Variants in TRPM1 observed in about 807,000 individuals in gnomAD.
TRPM1 encodes transient receptor potential cation channel subfamily M member 1.
In TRPM1, 113 loss-of-function variants were observed where a neutral mutation model predicts 149.4. That is an observed-to-expected ratio of 0.76 (90% CI 0.65 to 0.88). TRPM1 has a LOEUF of 0.88. TRPM1 is among the 40% of genes least tolerant of loss of function. The probability of loss-of-function intolerance (pLI) is 0.00; values close to 1 mark genes in which losing one functional copy is unlikely to be tolerated. For missense variants in TRPM1, 1,976 were observed against 2,038.7 expected (o/e 0.97, Z 0.59); for synonymous variants, 741 against 759.5 (o/e 0.98, Z 0.40).
At position 31,047,270 on chromosome 15, in the gene TRPM1, C is replaced by T. The variant is rs780957201; in HGVS notation, c.1624-19G>A. ...GGTTGCTCTGTAAAAGAAGTCTGGT[C>T]TCAGGCCCTGTGAGAATGCGTTCGC... On this transcript the variant is annotated intron_variant, in intron 14 of 27. Transcript: ENST00000256552. 6 of 1,614,062 alleles carry T rather than the reference C, an allele frequency of 3.7e-6. No individual in the cohort carries two copies. The African/African-American group carries it at 5.3e-5, about 14-fold the overall frequency.
intron 1 of TRPM1, among the ~76,000 whole-genome samples, chr15:31,143,903 C>G (rs564558144): frequency 6.6e-6 from 1 of 152,194 alleles, no homozygotes; most frequent in South Asian, 2.1e-4. Flanking sequence ...TGGTTATTTG[C>G]ATAACTTCAA....
At chr15:31,084,337 G>T (rs945466591) in intron 1 of TRPM1, among the ~76,000 whole-genome samples, 1 of 151,996 alleles carries the variant, frequency 6.6e-6, no homozygotes, top group African/African-American at 2.4e-5. Context: ...AAAAAAGCCG[G>T]TACCCATTAG....
In TRPM1 at chr15:31,046,208, A is replaced by G. The variant is rs755545195; in HGVS notation, c.1790T>C (p.Met597Thr). ...TTGAAAACAAGTTCTACTTACTTCC[A>G]TTCCCAGAAGTTTAAGAGCTTTAGG... ...KRPKALKLLG[M>T]EDDEPPAKGK... Residue 597 changes from methionine to threonine, a missense_variant, in exon 16 of 28, where the codon ATG becomes ACG. Physicochemically the swap from Met to Thr is moderately conservative, Grantham distance 81 (BLOSUM62 -1). This residue lies in a region of TRPM1 where 1,332 missense variants were observed against 1,347.1 expected (regional missense o/e 0.99). Coordinates refer to ENST00000256552, the MANE Select transcript of TRPM1 (RefSeq NM_001252024.2). The G allele has an allele frequency of 1.2e-6, 2 of 1,611,550 alleles. No homozygotes were observed. The highest frequency in any genetic ancestry group is 1.7e-6 in the Non-Finnish European group (2 of 1,179,830).
chr15:31,091,769 A>G (rs889508062), intron 1 of TRPM1, among the ~76,000 whole-genome samples: 1 of 152,212 alleles, frequency 6.6e-6, no homozygotes, highest in Admixed American at 6.5e-5. Flanking sequence ...TCATATATTT[A>G]TAGATGAACG....
chr15:31,028,223 A>C (rs2032876555), intron 25 of TRPM1, 109 bp downstream of exon 25: 1 of 1,430,890 alleles, frequency 7.0e-7, no homozygotes, highest in Non-Finnish European at 9.8e-7. Flanking sequence ...TAAAAACCCT[A>C]ATGAAATTAT....
Position 31,028,396 on chromosome 15 carries a change from G to A in TRPM1, c.3229C>T (p.Leu1077Phe). The change falls in exon 25 of 28, where the codon CTC (leucine) becomes TTC (phenylalanine). Residue 1077 changes from leucine (L) to phenylalanine (F), a missense_variant. Leu to Phe is a conservative substitution (Grantham distance 22, BLOSUM62 0). This residue lies in a region of TRPM1 where 72 missense variants were observed against 112.7 expected (regional missense o/e 0.64). Transcript: ENST00000256552. Reference protein sequence around the residue: ...CIPGAWLTPALMACYLLVANI... With the variant: ...CIPGAWLTPAFMACYLLVANI... ...GCGACCAGTAGATAGCACGCCATGA[G>A]TGCTGGAGTGAGCCAGGCGCCGGGG... The A allele has an allele frequency of 6.2e-7, 1 of 1,614,178 alleles. No homozygotes were observed. Among genetic ancestry groups the A allele is most frequent in the Non-Finnish European group, 8.5e-7 (1 of 1,180,044 alleles).
intron 1 of TRPM1, among the ~76,000 whole-genome samples, chr15:31,100,359 G>A (rs1449931530): frequency 3.3e-5 from 5 of 151,980 alleles, no homozygotes; most frequent in African/African-American, 1.2e-4. Flanking sequence ...ACAGCCATGA[G>A]CCATCGCGCC....
At chr15:31,139,186 A>G (rs895265321) in intron 1 of TRPM1, among the ~76,000 whole-genome samples, 5 of 152,226 alleles carry the variant, frequency 3.3e-5, no homozygotes, top group African/African-American at 1.2e-4. Context: ...TTGTCCCATG[A>G]AAAAGGCAGG....
intron 1 of TRPM1, among the ~76,000 whole-genome samples, chr15:31,115,146 T>C (rs1179801592): frequency 6.6e-6 from 1 of 152,122 alleles, no homozygotes; most frequent in African/African-American, 2.4e-5. Context: ...TCATCCCAGC[T>C]ACTCAGGAGG....
intron 17 of TRPM1, among the ~76,000 whole-genome samples, chr15:31,041,277 C>T (rs2140928870): frequency 6.6e-6 from 1 of 152,158 alleles, no homozygotes; most frequent in South Asian, 2.1e-4. Context: ...GCCTCAGCCT[C>T]CCGAGTAGCT....
intron 1 of TRPM1, among the ~76,000 whole-genome samples, chr15:31,084,980 T>A (rs1246771589): frequency 6.6e-6 from 1 of 152,004 alleles, no homozygotes; most frequent in Non-Finnish European, 1.5e-5. Flanking sequence ...TGAGCTGCCG[T>A]GCCCAGCCAA....
At chr15:31,046,352 T>C (rs1044959961) in intron 15 of TRPM1, 119 bp from the exon 16 acceptor site, 19 of 899,968 alleles carry the variant, frequency 2.1e-5, no homozygotes, top group Non-Finnish European at 3.3e-5. Context: ...TTTGTATCAT[T>C]AACAATTAAT....
chr15:31,068,361 A>G (rs1015604826), intron 4 of TRPM1, among the ~76,000 whole-genome samples: 1 of 152,174 alleles, frequency 6.6e-6, no homozygotes, highest in African/African-American at 2.4e-5. Flanking sequence ...CCTGATTCCC[A>G]ATGCAATAGT....
At chr15:31,075,173 T>C (rs752512592) in intron 3 of TRPM1, among the ~76,000 whole-genome samples, 1 of 152,180 alleles carries the variant, frequency 6.6e-6, no homozygotes, top group Non-Finnish European at 1.5e-5. Context: ...TGCTCTATAG[T>C]TATCTGTTAA....
intron 1 of TRPM1, among the ~76,000 whole-genome samples, chr15:31,113,779 T>C (rs1047024409): frequency 2.0e-5 from 3 of 152,212 alleles, no homozygotes; most frequent in Non-Finnish European, 4.4e-5. Context: ...GTTACAGCTC[T>C]TAAAGGTGGC....
At chr15:31,007,170 T>C (rs1369932852) in intron 27 of TRPM1, among the ~76,000 whole-genome samples, 2 of 152,236 alleles carry the variant, frequency 1.3e-5, no homozygotes, top group African/African-American at 2.4e-5. Flanking sequence ...GATCCATTTT[T>C]AGTTAATTTT....
At chr15:31,005,447 C>T (rs2031954232) in intron 27 of TRPM1, among the ~76,000 whole-genome samples, 2 of 152,064 alleles carry the variant, frequency 1.3e-5, no homozygotes, top group African/African-American at 4.8e-5. Context: ...CTAACTCCCT[C>T]CCCTCACTTC....
chr15:31,076,864 C>A, intron 3 of TRPM1, 41 bp downstream of exon 3: 1 of 1,432,408 alleles, frequency 7.0e-7, no homozygotes. Flanking sequence ...GGCAGACAAG[C>A]ACTGGTTTGG....
At position 31,040,036 on chromosome 15, in the gene TRPM1, C is replaced by A. The variant is rs12708421; in HGVS notation, c.2316+82G>T. ...TGCTAGAAGGAATAAATGAAATAAG[C>A]CACAGAAAGTGCTCAGTTCAGCCTG... On this transcript the variant is annotated intron_variant, in intron 18 of 27. Coordinates refer to ENST00000256552, the MANE Select transcript of TRPM1 (RefSeq NM_001252024.2). This position sits in a 1 kb window ranked among gnomAD's most constrained non-coding sequence, Gnocchi z 4.2. 0.23 allele frequency: 284,057 copies of A among 1,228,044 alleles called. 34,713 individuals carry two copies. Among genetic ancestry groups the A allele is most frequent in the Admixed American group, 0.26 (15,123 of 57,226 alleles). 76.1% of individuals were successfully genotyped at this position (1,228,044 alleles called of 1,614,324 possible).
Sources: allele counts gnomAD v4.1 joint callset (sites outside exome capture counted in the v4.1 genomes callset), GRCh38; gene constraint gnomAD v4.1.1; regional missense constraint gnomAD v4.1.1; non-coding constraint Gnocchi (gnomAD v3.1); transcripts MANE v1.5; gene names NCBI Gene and HGNC (gene_info 2026-07-23, HGNC 2026-07-21).